Variants in DHX9 observed in about 807,000 individuals in gnomAD.
The protein encoded by DHX9 is ATP-dependent RNA helicase A.
A neutral mutation model predicts 148.7 loss-of-function variants in DHX9; 27 were observed. That is an observed-to-expected ratio of 0.18 (90% CI 0.13 to 0.25). The LOEUF is 0.25. Among genes scored for constraint, DHX9 ranks in the 10% least tolerant of loss-of-function variants. The probability of loss-of-function intolerance (pLI) is 1.00; values close to 1 mark genes in which losing one functional copy is unlikely to be tolerated. For missense variants in DHX9, 796 were observed against 1,559.6 expected, an observed-to-expected ratio of 0.51 and a Z score of 8.25; for synonymous variants, 529 against 516.6, an observed-to-expected ratio of 1.02 and a Z score of -0.33.
At chr1:182,882,375 T>G (rs1201748642) in intron 24 of DHX9, among the ~76,000 whole-genome samples, 1 of 152,238 alleles carries the variant, frequency 6.6e-6, no homozygotes, top group South Asian at 2.1e-4. Flanking sequence ...TTGACTGTCA[T>G]GCTTTCCAGT....
intron 27 of DHX9, 61 bp from the exon 28 acceptor site, chr1:182,887,022 G>T (rs1247706469): frequency 6.8e-7 from 1 of 1,470,446 alleles, no homozygotes. Context: ...TGTACATTTG[G>T]TAAGTCGTTG....
Position 182,842,692 on chromosome 1 carries a change from A to T in DHX9, c.111+15A>T. On this transcript the variant is annotated intron_variant, in intron 2 of 27. Transcript: ENST00000367549. ...TCATGTGTGAGGTACTGAAGAATAC[A>T]GTTTGCATTTATGTGATTTATGAGG... 1.9e-6 allele frequency: 3 copies of T among 1,588,190 alleles called. No homozygotes were observed. Among genetic ancestry groups the T allele is most frequent in the Non-Finnish European group, 2.6e-6 (3 of 1,163,242 alleles).
chr1:182,843,053 T>C (rs982136658), intron 2 of DHX9, among the ~76,000 whole-genome samples: 2 of 152,180 alleles, frequency 1.3e-5, no homozygotes, highest in African/African-American at 4.8e-5. Flanking sequence ...AATCAGATTT[T>C]AATGTGAACC....
intron 16 of DHX9, among the ~76,000 whole-genome samples, chr1:182,875,509 CTT>C (rs1022145869): frequency 3.9e-5 from 6 of 152,234 alleles, no homozygotes; most frequent in South Asian, 2.1e-4. Context: ...AAAGAAAAGA[CTT>C]TGTAGTGCTT....
intron 19 of DHX9, 157 bp from the exon 20 acceptor site, chr1:182,877,864 G>C (rs1648885908): frequency 2.4e-6 from 2 of 827,148 alleles, no homozygotes; most frequent in Non-Finnish European, 1.8e-6. Context: ...GGAGTTTGCA[G>C]TCAGATTGCT....
chr1:182,854,253 T>TCCACG, intron 6 of DHX9, 75 bp downstream of exon 6: 2 of 1,338,076 alleles, frequency 1.5e-6, no homozygotes, highest in South Asian at 3.3e-5. Flanking sequence ...ATATAATCTA[T>TCCACG]TTTTGTACGT....
At chr1:182,875,694 G>C (rs1648732030) in intron 16 of DHX9, among the ~76,000 whole-genome samples, 1 of 152,090 alleles carries the variant, frequency 6.6e-6, no homozygotes, top group South Asian at 2.1e-4. Flanking sequence ...TGCAACAACT[G>C]TTTCTCAACT....
chr1:182,854,195 C>A lies in DHX9; in HGVS notation c.626+17C>A. The A allele has an allele frequency of 6.3e-7, 1 of 1,575,236 alleles. No homozygotes were observed. Among genetic ancestry groups the A allele is most frequent in the Non-Finnish European group, 8.6e-7 (1 of 1,159,518 alleles). On this transcript the variant is annotated intron_variant, in intron 6 of 27. Transcript: ENST00000367549. ...TCACAACAGGTTTGCTTGTTTCATT[C>A]TTTTCCTTCTGTAGTAAGTTAAGGT...
chr1:182,859,380 T>A (rs1668313987), intron 11 of DHX9, among the ~76,000 whole-genome samples: 1 of 152,300 alleles, frequency 6.6e-6, no homozygotes, highest in South Asian at 2.1e-4. Flanking sequence ...TTTGTTTGTT[T>A]TAGTGTTTTC....
At chr1:182,884,885 G>T in intron 27 of DHX9, 72 bp downstream of exon 27, 2 of 1,426,448 alleles carry the variant, frequency 1.4e-6, no homozygotes, top group Non-Finnish European at 2.0e-6. Flanking sequence ...AATTCCTGAA[G>T]TTAGTGATAG....
chr1:182,847,731 A>C (rs1193574708), intron 3 of DHX9, among the ~76,000 whole-genome samples: 1 of 152,198 alleles, frequency 6.6e-6, no homozygotes, highest in Non-Finnish European at 1.5e-5. Context: ...GGCTTCTCTC[A>C]GGCTAAAAGC....
At chr1:182,847,254 C>A (rs1465054921) in intron 3 of DHX9, among the ~76,000 whole-genome samples, 1 of 152,188 alleles carries the variant, frequency 6.6e-6, no homozygotes, top group Non-Finnish European at 1.5e-5. Context: ...GGTTGGATCA[C>A]ATTTTCCTCT....
chr1:182,844,651 A>AGTC (rs1314220753), intron 3 of DHX9, among the ~76,000 whole-genome samples: 1 of 152,194 alleles, frequency 6.6e-6, no homozygotes, highest in Non-Finnish European at 1.5e-5. Flanking sequence ...CTCCTGCCTC[A>AGTC]GTCTCCTAAG....
intron 12 of DHX9, among the ~76,000 whole-genome samples, chr1:182,861,931 G>A (rs1277816663): frequency 6.6e-6 from 1 of 152,172 alleles, no homozygotes; most frequent in Non-Finnish European, 1.5e-5. Flanking sequence ...TTATAGTTCA[G>A]CCATGAAGGT....
At chr1:182,882,829 C>A (rs1649147152) in intron 24 of DHX9, among the ~76,000 whole-genome samples, 1 of 149,382 alleles carries the variant, frequency 6.7e-6, no homozygotes, top group African/African-American at 2.5e-5. Context: ...GGCGCCACTG[C>A]ACTCCAGCCT....
chr1:182,843,369 A>G lies in DHX9; in HGVS notation c.187A>G (p.Arg63Gly). The G allele has an allele frequency of 6.2e-7, 1 of 1,610,712 alleles. No homozygotes were observed. The highest frequency in any genetic ancestry group is 8.5e-7 in the Non-Finnish European group (1 of 1,178,648). The change falls in exon 3 of 28, where the codon AGA (arginine) becomes GGA (glycine). Residue 63 changes from arginine (R) to glycine (G), a missense_variant. Physicochemically the swap from Arg to Gly is moderately radical, Grantham distance 125. This residue lies in a region of DHX9 where 23 missense variants were observed against 89.5 expected (regional missense o/e 0.26). Transcript: ENST00000367549. Reference protein sequence around the residue: ...NKKDAQSNAARDFVNYLVRIN... With the variant: ...NKKDAQSNAAGDFVNYLVRIN... ...AAAAGATGCACAAAGCAATGCTGCC[A>G]GAGACTTTGTTAACTATTTGGTTCG...
At chr1:182,839,822 G>C (rs1667884971) in intron 1 of DHX9, 1 of 152,364 alleles carries the variant, frequency 6.6e-6, no homozygotes, top group African/African-American at 2.4e-5. Flanking sequence ...CACTGGCCTA[G>C]GGCTCTTCAT....
intron 14 of DHX9, among the ~76,000 whole-genome samples, chr1:182,867,605 G>C (rs912047186): frequency 2.0e-5 from 3 of 152,176 alleles, no homozygotes; most frequent in African/African-American, 7.2e-5. Flanking sequence ...GTTTCATCAT[G>C]ATGGTCAGGC....
Position 182,859,086 on chromosome 1 carries a change from A to G in DHX9, c.1109A>G (p.Tyr370Cys). ...ISMDLKNELM[Y>C]QLEQDHDLQA... ...ATGGACCTCAAGAATGAATTGATGT[A>G]CCAGTTGGAACAGGATCATGATTTG... Residue 370 changes from tyrosine (Y) to cysteine (C), a missense_variant, in exon 11 of 28, where the codon TAC (tyrosine) becomes TGC (cysteine). Transcript: ENST00000367549. The G allele has an allele frequency of 1.2e-6, 2 of 1,614,138 alleles. No individual in the cohort carries two copies. Among genetic ancestry groups the G allele is most frequent in the Non-Finnish European group, 1.7e-6 (2 of 1,179,998 alleles).
Sources: gnomAD v4.1 joint callset for allele counts (sites outside exome capture counted in the v4.1 genomes callset) on GRCh38, gnomAD v4.1.1 for gene constraint, gnomAD v4.1.1 regional missense constraint, MANE v1.5 for transcripts, NCBI Gene and HGNC (gene_info 2026-07-23, HGNC 2026-07-21) for gene names.